MEGF6: variants seen among roughly 807,000 people sequenced by gnomAD.
MEGF6 encodes multiple epidermal growth factor-like domains protein 6.
Under a neutral mutation model 207.1 loss-of-function variants are expected in MEGF6, and 184 were observed. The ratio of observed to expected loss-of-function variants is 0.89; its 90% CI spans 0.79 to 1.00. The LOEUF (loss-of-function observed/expected upper bound fraction) is 1.00. Among genes scored for constraint, MEGF6 ranks in the 50% least tolerant of loss-of-function variants. The pLI is 0.00. For synonymous variants in MEGF6, 1,038 were observed against 910.0 expected, an observed-to-expected ratio of 1.14 and a Z score of -2.53; for missense variants, 2,282 against 2,202.9, an observed-to-expected ratio of 1.04 and a Z score of -0.72.
At chr1:3,598,674 G>T (rs1016491676) in intron 2 of MEGF6, among the ~76,000 whole-genome samples, 3 of 151,834 alleles carry the variant, frequency 2.0e-5, no homozygotes, top group South Asian at 2.1e-4. Flanking sequence ...TCCAACGCTG[G>T]GGAGCTGGTT....
At position 3,565,218 on chromosome 1, in the gene MEGF6, G is replaced by A. The variant is rs1279823530; in HGVS notation, c.481+14607C>T. Among the ~76,000 whole-genome samples the A allele has an allele frequency of 6.6e-6, 1 of 152,038 alleles. No individual in the cohort carries two copies. The highest frequency in any genetic ancestry group is 1.5e-5 in the Non-Finnish European group (1 of 68,010). On this transcript the variant is annotated intron_variant, in intron 4 of 36. Coordinates refer to ENST00000356575, the MANE Select transcript of MEGF6 (RefSeq NM_001409.4). The surrounding 1 kb of genome is among the most constrained non-coding windows in gnomAD (Gnocchi z 4.8). ...CTCCCACTGTGTCCCCGAGGCCTGG[G>A]CAGTTGGGCGTCCCCAGGCGCCTCC...
intron 7 of MEGF6, 79 bp from the exon 8 acceptor site, chr1:3,512,207 G>A (rs534669746): frequency 7.6e-5 from 115 of 1,507,392 alleles, no homozygotes; most frequent in Middle Eastern, 1.8e-4. Context: ...GACAGTGCAC[G>A]GCCTGCTGAC....
At chr1:3,537,057 G>C (rs1325997169) in intron 4 of MEGF6, among the ~76,000 whole-genome samples, 1 of 152,276 alleles carries the variant, frequency 6.6e-6, no homozygotes, top group Non-Finnish European at 1.5e-5. Context: ...TGCAGAGCTA[G>C]TGTTGGGCGA....
rs576293755 is a variant in MEGF6, at chr1:3,501,431, C to T, written c.2315-123G>A. On this transcript the variant is annotated intron_variant, in intron 18 of 36. Transcript: ENST00000356575. ...GTGGAACCACTGTTACCATCTCAGC[C>T]TGCCCCGGGGAGGGGAGAGGACCCG... is the stretch of plus-strand genomic sequence containing the variant. 9.8e-5 allele frequency: 137 copies of T among 1,395,810 alleles called. 2 individuals carry two copies. In the South Asian group the frequency reaches 1.8e-3, roughly 18 times the overall value. 86.5% of individuals were successfully genotyped at this position (1,395,810 alleles called of 1,614,324 possible). A position where few individuals can be genotyped will look rare whatever the true frequency, so the allele number is the denominator to read the frequency against.
intron 26 of MEGF6, chr1:3,497,689 G>T (rs1247135170): frequency 6.1e-6 from 3 of 495,118 alleles, no homozygotes; most frequent in Non-Finnish European, 7.5e-6. Context: ...GAAGGCGAAG[G>T]AGCCGGGAGA....
At chr1:3,551,429 C>T (rs1443404193) in intron 4 of MEGF6, among the ~76,000 whole-genome samples, 4 of 152,100 alleles carry the variant, frequency 2.6e-5, no homozygotes, top group African/African-American at 9.7e-5. Context: ...AGCATCAGGC[C>T]CTGAGCCAAT....
chr1:3,509,870 G>A lies in MEGF6; in HGVS notation c.1357C>T (p.Pro453Ser), dbSNP rs762680590. Residue 453 changes from proline to serine, a missense_variant and splice_region_variant, in exon 11 of 37, where the codon CCC becomes TCC. Physicochemically the swap from Pro to Ser is moderately conservative, Grantham distance 74. Transcript: ENST00000356575. ...RLHEDRRGCS[P>S]LEEPMVDLDG... ...GCTCCGCGGAGGGCGGGAGACTCACGGCTGCAGCCCCTACGGTCCTCGTGC... is the reference window on the plus strand; with the variant it reads ...GCTCCGCGGAGGGCGGGAGACTCACAGCTGCAGCCCCTACGGTCCTCGTGC... 3.6e-5 allele frequency: 56 copies of A among 1,550,666 alleles called. No homozygotes were observed. The highest frequency in any genetic ancestry group is 2.3e-4 in the Middle Eastern group (1 of 4,428).
intron 4 of MEGF6, among the ~76,000 whole-genome samples, chr1:3,536,484 G>A (rs748201856): frequency 1.3e-4 from 20 of 152,158 alleles, no homozygotes; most frequent in East Asian, 1.9e-4. Flanking sequence ...GGAGGAGCCC[G>A]GGCGTGGCCG....
At position 3,560,263 on chromosome 1, in the gene MEGF6, T is replaced by C. The variant is rs1156988226; in HGVS notation, c.481+19562A>G. 6.6e-6 allele frequency among the ~76,000 whole-genome samples: 1 copy of C among 152,142 alleles called. No individual in the cohort carries two copies. Among genetic ancestry groups the C allele is most frequent in the Non-Finnish European group, 1.5e-5 (1 of 68,004 alleles). On this transcript the variant is annotated intron_variant, in intron 4 of 36. Coordinates refer to ENST00000356575, the MANE Select transcript of MEGF6 (RefSeq NM_001409.4). This position sits in a 1 kb window ranked among gnomAD's most constrained non-coding sequence, Gnocchi z 4.0. ...ATTTCCTGTATCATTCAATCCTCCA[T>C]TGGAATGACCGCTTGGTACAGCGGA...
intron 3 of MEGF6, among the ~76,000 whole-genome samples, chr1:3,582,832 C>G (rs565509494): frequency 1.3e-5 from 2 of 152,170 alleles, no homozygotes; most frequent in Admixed American, 6.5e-5. Flanking sequence ...GAGCCCACAG[C>G]GCCCCGCTCT....
chr1:3,595,409 G>A lies in MEGF6; in HGVS notation c.305C>T (p.Thr102Met), dbSNP rs201557680. 1.4e-5 allele frequency: 23 copies of A among 1,612,400 alleles called. No individual in the cohort carries two copies. The highest frequency in any genetic ancestry group is 4.4e-5 in the South Asian group (4 of 91,090). ...YYMGYRQVYT[T>M]EARTVLRCCR... Reference sequence around the variant, plus strand: ...GCACCTGAGCACGGTCCGGGCCTCCGTGGTATACACCTGCCTGTAGCCCAT... The same window carrying A: ...GCACCTGAGCACGGTCCGGGCCTCCATGGTATACACCTGCCTGTAGCCCAT... The change falls in exon 3 of 37, where the codon ACG (threonine) becomes ATG (methionine). Residue 102 changes from threonine to methionine, a missense_variant. Physicochemically the swap from Thr to Met is moderately conservative, Grantham distance 81 (BLOSUM62 -1). Coordinates refer to ENST00000356575, the MANE Select transcript of MEGF6 (RefSeq NM_001409.4).
chr1:3,582,239 C>T (rs543282997), intron 3 of MEGF6, among the ~76,000 whole-genome samples: 2 of 152,332 alleles, frequency 1.3e-5, no homozygotes, highest in African/African-American at 4.8e-5. Context: ...CTGTCCCAGG[C>T]TGGGAGGGTA....
intron 34 of MEGF6, chr1:3,493,416 G>C (rs1037795732): frequency 2.9e-6 from 1 of 344,316 alleles, no homozygotes; most frequent in South Asian, 3.8e-5. Flanking sequence ...CCTCAGGTGG[G>C]GCCCTCTGGG....
intron 1 of MEGF6, among the ~76,000 whole-genome samples, chr1:3,605,061 C>T (rs925602120): frequency 5.3e-5 from 8 of 151,326 alleles, no homozygotes; most frequent in East Asian, 3.9e-4. Context: ...AACACACACC[C>T]TCACACTCAC....
chr1:3,595,537 T>TTGG, intron 2 of MEGF6, 90 bp from the exon 3 acceptor site: 2 of 1,146,396 alleles, frequency 1.7e-6, no homozygotes. Flanking sequence ...TGACTCTGCG[T>TTGG]CAGCCGGGTT....
intron 2 of MEGF6, among the ~76,000 whole-genome samples, chr1:3,597,707 G>A (rs549240958): frequency 2.7e-4 from 41 of 152,322 alleles, no homozygotes; most frequent in African/African-American, 9.6e-4. Flanking sequence ...ACAGCCGGCA[G>A]CAGAAGCTGG....
At chr1:3,519,224 C>T (rs1641652188) in intron 5 of MEGF6, among the ~76,000 whole-genome samples, 1 of 152,260 alleles carries the variant, frequency 6.6e-6, no homozygotes, top group Non-Finnish European at 1.5e-5. Context: ...GTCAGCTCGG[C>T]CCATGCTTGG....
rs560280036 is a variant in MEGF6, at chr1:3,519,754, C to T, written c.605-4227G>A. ...AGCCAACGGCCTGCCAGCAGCCTCC[C>T]CTCCCGGGCCGGGCCTCCCCTCCAA... On this transcript the variant is annotated intron_variant, in intron 5 of 36. Transcript: ENST00000356575. Among the ~76,000 whole-genome samples the T allele has an allele frequency of 4.9e-4, 75 of 152,364 alleles. No individual in the cohort carries two copies. The South Asian group carries it at 0.012, about 25-fold the overall frequency.
rs938678939 is a variant in MEGF6, at chr1:3,489,634, G to A, written c.*894C>T. On this transcript the variant is annotated 3_prime_UTR_variant, in exon 37 of 37. Coordinates refer to ENST00000356575, the MANE Select transcript of MEGF6 (RefSeq NM_001409.4). ...GGGTGGGGTGAGCCCAAGGGAGTTC[G>A]GCCTCAGTCCAGGTTGCCCCTCCAC... 1.3e-5 allele frequency among the ~76,000 whole-genome samples: 2 copies of A among 152,128 alleles called. No individual in the cohort carries two copies. Among genetic ancestry groups the A allele is most frequent in the South Asian group, 2.1e-4 (1 of 4,826 alleles).
Sources: allele counts gnomAD v4.1 joint callset (sites outside exome capture counted in the v4.1 genomes callset), GRCh38; gene constraint gnomAD v4.1.1; non-coding constraint Gnocchi (gnomAD v3.1); transcripts MANE v1.5; gene names NCBI Gene and HGNC (gene_info 2026-07-23, HGNC 2026-07-21).